ASCL3: variants seen among roughly 807,000 people sequenced by gnomAD.
ASCL3 encodes the protein achaete-scute homolog 3.
Under a neutral mutation model 2.3 loss-of-function variants are expected in ASCL3, and 1 was observed. The ratio of observed to expected loss-of-function variants is 0.44; its 90% CI spans 0.16 to 2.10. ASCL3 has a LOEUF of 2.10. Among genes scored for constraint, ASCL3 ranks in the 30% most tolerant of loss-of-function variants. The pLI is 0.28. For missense variants in ASCL3, 243 were observed against 229.0 expected (o/e 1.06, Z -0.40); for synonymous variants, 98 against 88.5 (o/e 1.11, Z -0.60).
In ASCL3 at chr11:8,937,762, T is replaced by C. The variant is rs2064686068; in HGVS notation, c.400A>G (p.Thr134Ala). 1 of 1,613,926 alleles carries C rather than the reference T, an allele frequency of 6.2e-7. No individual in the cohort carries two copies. Among genetic ancestry groups the C allele is most frequent in the Non-Finnish European group, 8.5e-7 (1 of 1,179,948 alleles). The change falls in exon 2 of 2, where the codon ACC becomes GCC. Residue 134 changes from threonine (T) to alanine (A), a missense_variant. Coordinates refer to ENST00000531618, the MANE Select transcript of ASCL3 (RefSeq NM_020646.3). The part of the protein sequence containing the change: ...YLEKRLSKVE[T>A]LRAAIKYINY... ...ATGTACTTGATCGCAGCTCTGAGGG[T>C]TTCCACTTTGCTGAGTCGCTTCTCC...
chr11:8,939,308 G>A lies in ASCL3; in HGVS notation c.-12-1135C>T, dbSNP rs558858705. Among the ~76,000 whole-genome samples the A allele has an allele frequency of 4.0e-5, 6 of 151,860 alleles. No homozygotes were observed. In the South Asian group the frequency reaches 1.0e-3, roughly 26 times the overall value. On this transcript the variant is annotated intron_variant, in intron 1 of 1. Transcript: ENST00000531618. ...GGCTGGAGTGCAGTGGCACGATCTC[G>A]GCTCACTGCAACCTCTGCCCCCCCG...
At chr11:8,938,710 G>C (rs10769976) in intron 1 of ASCL3, among the ~76,000 whole-genome samples, 85,502 of 151,736 alleles carry the variant, frequency 0.56, 25,680 homozygotes, top group East Asian at 0.69. Context: ...GAAAGTTATT[G>C]TCCTTCCGTT....
At chr11:8,941,102 G>A (rs999813843) in intron 1 of ASCL3, among the ~76,000 whole-genome samples, 5 of 152,064 alleles carry the variant, frequency 3.3e-5, no homozygotes, top group African/African-American at 1.2e-4. Flanking sequence ...GCACCTTATA[G>A]AAAACCTGGT....
At chr11:8,938,992 A>C (rs11042131) in intron 1 of ASCL3, among the ~76,000 whole-genome samples, 82,097 of 151,208 alleles carry the variant, frequency 0.54, 23,702 homozygotes, top group East Asian at 0.69. Context: ...TTTTGTAGAG[A>C]CAGGGTCTTG....
intron 1 of ASCL3, among the ~76,000 whole-genome samples, 75 bp downstream of exon 1, chr11:8,942,911 A>G (rs1240891816): frequency 6.6e-6 from 1 of 152,156 alleles, no homozygotes; most frequent in Non-Finnish European, 1.5e-5. Context: ...GTATTTATCA[A>G]CTGTACCTAG....
Position 8,941,751 on chromosome 11 carries a change from A to G in ASCL3, c.-13+1235T>C, listed in dbSNP as rs139689761. On this transcript the variant is annotated intron_variant, in intron 1 of 1. Coordinates refer to ENST00000531618, the MANE Select transcript of ASCL3 (RefSeq NM_020646.3). ...ACCAAATGACCTAAGATAACTAACA[A>G]AACAAAAATCTCTGGAAAACTAAAA... Among the ~76,000 whole-genome samples, 215 of 152,274 alleles carry G rather than the reference A, an allele frequency of 1.4e-3. 2 individuals are homozygous for G. Among genetic ancestry groups the G allele is most frequent in the African/African-American group, 4.9e-3 (204 of 41,572 alleles).
At chr11:8,941,626 C>A (rs1853697681) in intron 1 of ASCL3, among the ~76,000 whole-genome samples, 1 of 151,978 alleles carries the variant, frequency 6.6e-6, no homozygotes, top group African/African-American at 2.4e-5. Context: ...CCAGGAAAAG[C>A]TCTTCTTAAA....
chr11:8,942,935 A>G (rs1410582095), intron 1 of ASCL3, among the ~76,000 whole-genome samples, 51 bp downstream of exon 1: 2 of 152,152 alleles, frequency 1.3e-5, no homozygotes, highest in Admixed American at 6.5e-5. Flanking sequence ...TTTTCTTAAA[A>G]ATCATGTTCT....
At chr11:8,942,011 A>G (rs557318742) in intron 1 of ASCL3, among the ~76,000 whole-genome samples, 1 of 152,292 alleles carries the variant, frequency 6.6e-6, no homozygotes, top group East Asian at 1.9e-4. Context: ...AGCAGATGTC[A>G]TCAAACCTAA....
chr11:8,941,180 G>A (rs1387089249), intron 1 of ASCL3, among the ~76,000 whole-genome samples: 3 of 152,212 alleles, frequency 2.0e-5, no homozygotes, highest in South Asian at 2.1e-4. Flanking sequence ...TGAGAGATGA[G>A]GAACATACCT....
intron 1 of ASCL3, among the ~76,000 whole-genome samples, chr11:8,939,399 C>T (rs2064695901): frequency 6.6e-6 from 1 of 151,930 alleles, no homozygotes; most frequent in Non-Finnish European, 1.5e-5. Context: ...GCCACCACGC[C>T]CAGCTAATTT....
Position 8,938,432 on chromosome 11 carries a change from G to A in ASCL3, c.-12-259C>T, listed in dbSNP as rs148693598. ...CACCCAGCTAATTTTTGTATTTTTA[G>A]TAGAGATGGGATTTCACCATGTTGG... is the stretch of plus-strand genomic sequence containing the variant. On this transcript the variant is annotated intron_variant, in intron 1 of 1. Transcript: ENST00000531618. Among the ~76,000 whole-genome samples, 347 of 151,980 alleles carry A rather than the reference G, an allele frequency of 2.3e-3. 2 individuals are homozygous for A. Among genetic ancestry groups the A allele is most frequent in the Non-Finnish European group, 3.7e-3 (249 of 67,958 alleles).
intron 1 of ASCL3, among the ~76,000 whole-genome samples, chr11:8,939,078 T>C (rs571093752): frequency 2.0e-4 from 31 of 152,010 alleles, no homozygotes; most frequent in Non-Finnish European, 4.3e-4. Context: ...CTGCTGGGAT[T>C]ACACACAGGA....
chr11:8,937,809 TG>T lies in ASCL3; in HGVS notation c.352del (p.His118IlefsTer49), dbSNP rs2064686466. 1.7e-5 allele frequency: 28 copies of T among 1,614,150 alleles called. No homozygotes were observed. The highest frequency in any genetic ancestry group is 2.4e-5 in the Non-Finnish European group (28 of 1,180,002). On this transcript the variant is annotated frameshift_variant, in exon 2 of 2. Transcript: ENST00000531618. LOFTEE classifies it low-confidence loss of function (END_TRUNC). ...CTCCAAATACTCCTCTGGCAGATGA[TG>T]GCGGAGCTGGGCGTAGCCTTCATTG... Reference protein sequence around the residue: ...CVNEGYAQLRHHLPEEYLEKR... With the variant: ...CVNEGYAQLRXHLPEEYLEKR...
chr11:8,938,084 G>T lies in ASCL3; in HGVS notation c.78C>A (p.Thr26=). 1 of 1,613,922 alleles carries T rather than the reference G, an allele frequency of 6.2e-7. No individual in the cohort carries two copies. The highest frequency in any genetic ancestry group is 8.5e-7 in the Non-Finnish European group (1 of 1,179,896). Residue 26 remains threonine (T), a synonymous_variant, in exon 2 of 2, where the codon ACC becomes ACA. Transcript: ENST00000531618. ...CCATGGGCTCCAGATAGAAGGACCT[G>T]GTCAGTGGCAAGCGGGCAGAATCAG... ...IFPDSARLPL[T]RSFYLEPMVT...
chr11:8,940,790 G>A (rs1853683265), intron 1 of ASCL3, among the ~76,000 whole-genome samples: 1 of 152,076 alleles, frequency 6.6e-6, no homozygotes, highest in South Asian at 2.1e-4. Context: ...ATTTTTTCTT[G>A]GCATTATCCT....
chr11:8,937,806 T>A lies in ASCL3; in HGVS notation c.356A>T (p.His119Leu). Residue 119 changes from histidine (H) to leucine (L), a missense_variant, in exon 2 of 2, where the codon CAT (histidine) becomes CTT (leucine). Coordinates refer to ENST00000531618, the MANE Select transcript of ASCL3 (RefSeq NM_020646.3). The part of the protein sequence containing the change: ...VNEGYAQLRH[H>L]LPEEYLEKRL... ...CTTCTCCAAATACTCCTCTGGCAGA[T>A]GATGGCGGAGCTGGGCGTAGCCTTC... 6.2e-7 allele frequency: 1 copy of A among 1,614,114 alleles called. No homozygotes were observed. The highest frequency in any genetic ancestry group is 8.5e-7 in the Non-Finnish European group (1 of 1,180,006).
In ASCL3 at chr11:8,938,104, A is replaced by C. The variant is rs1438615345; in HGVS notation, c.58T>G (p.Ser20Ala). The C allele has an allele frequency of 3.1e-6, 5 of 1,613,112 alleles. No individual in the cohort carries two copies. The highest frequency in any genetic ancestry group is 1.3e-5 in the African/African-American group (1 of 74,900). Residue 20 changes from serine to alanine, a missense_variant, in exon 2 of 2, where the codon TCT becomes GCT. Transcript: ENST00000531618. Reference protein sequence around the residue: ...LPDKLPIFPDSARLPLTRSFY... With the variant: ...LPDKLPIFPDAARLPLTRSFY... Reference sequence around the variant, plus strand: ...GACCTGGTCAGTGGCAAGCGGGCAGAATCAGGGAAGATAGGAAGTTTGTCA... The same window carrying C: ...GACCTGGTCAGTGGCAAGCGGGCAGCATCAGGGAAGATAGGAAGTTTGTCA...
intron 1 of ASCL3, among the ~76,000 whole-genome samples, 137 bp downstream of exon 1, chr11:8,942,849 G>T (rs1253526167): frequency 6.6e-6 from 1 of 152,072 alleles, no homozygotes; most frequent in Non-Finnish European, 1.5e-5. Flanking sequence ...ATTATATGGG[G>T]AATAATTGGT....
Sources: allele counts gnomAD v4.1 joint callset (sites outside exome capture counted in the v4.1 genomes callset), GRCh38; gene constraint gnomAD v4.1.1; transcripts MANE v1.5; gene names NCBI Gene and HGNC (gene_info 2026-07-23, HGNC 2026-07-21).